Variants in GAREM1 observed in about 807,000 individuals in gnomAD.
GAREM1 encodes GRB2-associated and regulator of MAPK protein 1.
Under a neutral mutation model 71.3 loss-of-function variants are expected in GAREM1, and 26 were observed. That is an observed-to-expected ratio of 0.36 (90% CI 0.27 to 0.51). The LOEUF is 0.51. GAREM1 is among the 20% of genes least tolerant of loss of function. The pLI, the probability that GAREM1 is intolerant of heterozygous loss-of-function variation, is 0.95. For missense variants in GAREM1, 1,026 were observed against 1,103.1 expected (o/e 0.93, Z 0.99); for synonymous variants, 440 against 433.2 (o/e 1.02, Z -0.20).
Position 32,312,117 on chromosome 18 carries a change from C to T in GAREM1, c.263-1794G>A, listed in dbSNP as rs1360482199. ...GTAAGTCTGAGATGTCTATTGGACA[C>T]GCAAACAGAGATGTTCAAAAAGTTC... On this transcript the variant is annotated intron_variant, in intron 2 of 5. Transcript: ENST00000269209. Among the ~76,000 whole-genome samples, 5 of 152,272 alleles carry T rather than the reference C, an allele frequency of 3.3e-5. No homozygotes were observed. The South Asian group carries it at 6.2e-4, about 19-fold the overall frequency.
intron 1 of GAREM1, among the ~76,000 whole-genome samples, chr18:32,442,128 C>A (rs2048744320): frequency 2.0e-5 from 3 of 152,028 alleles, no homozygotes. Context: ...TATTGAAAAT[C>A]CGTTGTTCTA....
chr18:32,341,851 A>G (rs2047650847), intron 2 of GAREM1, among the ~76,000 whole-genome samples: 1 of 152,082 alleles, frequency 6.6e-6, no homozygotes, highest in Admixed American at 6.5e-5. Flanking sequence ...AATGGATTCC[A>G]GATTTACATA....
chr18:32,452,056 T>C (rs575232487), intron 1 of GAREM1, among the ~76,000 whole-genome samples: 4 of 152,114 alleles, frequency 2.6e-5, no homozygotes, highest in Non-Finnish European at 5.9e-5. Flanking sequence ...TATTCTGACA[T>C]GCTTTCTTGA....
chr18:32,288,071 T>C lies in GAREM1; in HGVS notation c.526A>G (p.Thr176Ala), dbSNP rs2047045609. Residue 176 changes from threonine (T) to alanine (A), a missense_variant, in exon 4 of 6, where the codon ACA becomes GCA. Physicochemically the swap from Thr to Ala is moderately conservative, Grantham distance 58 (BLOSUM62 0). Transcript: ENST00000269209. ...AGCTTCCCAATCTTTTTGAAGATTGTGTTGAGTCGTGACTTTTCCTTGAAT... is the reference window on the plus strand; with the variant it reads ...AGCTTCCCAATCTTTTTGAAGATTGCGTTGAGTCGTGACTTTTCCTTGAAT... Reference protein sequence around the residue: ...KTFKEKSRLNTIFKKIGKLNS... With the variant: ...KTFKEKSRLNAIFKKIGKLNS... 2.5e-6 allele frequency: 4 copies of C among 1,614,074 alleles called. No homozygotes were observed. In the Admixed American group the frequency reaches 5.0e-5, roughly 20 times the overall value.
chr18:32,395,827 G>C (rs1470326888), intron 1 of GAREM1, among the ~76,000 whole-genome samples: 1 of 152,176 alleles, frequency 6.6e-6, no homozygotes, highest in Non-Finnish European at 1.5e-5. Context: ...GGTTCTCCCA[G>C]CACGGAGTCT....
At chr18:32,387,370 A>G (rs16963287) in intron 2 of GAREM1, among the ~76,000 whole-genome samples, 36,837 of 152,068 alleles carry the variant, frequency 0.24, 5,593 homozygotes, top group African/African-American at 0.43. Flanking sequence ...GCAGTTTGGA[A>G]TTAATGTTCT....
chr18:32,303,978 A>AAGAG (rs2047223919), intron 3 of GAREM1, among the ~76,000 whole-genome samples: 1 of 143,478 alleles, frequency 7.0e-6, no homozygotes, highest in Non-Finnish European at 1.5e-5. Flanking sequence ...GAAACAGAGA[A>AAGAG]AGAGGGAGGG....
intron 2 of GAREM1, among the ~76,000 whole-genome samples, chr18:32,391,408 A>G (rs915654576): frequency 2.6e-5 from 4 of 152,314 alleles, no homozygotes; most frequent in Non-Finnish European, 1.5e-5. Flanking sequence ...AAGTGATAAA[A>G]TGAGGGCACT....
chr18:32,442,209 C>T (rs1599050897), intron 1 of GAREM1, among the ~76,000 whole-genome samples: 1 of 152,254 alleles, frequency 6.6e-6, no homozygotes. Context: ...TCAACTACAG[C>T]AGTATTTATC....
intron 2 of GAREM1, among the ~76,000 whole-genome samples, chr18:32,316,630 G>C (rs983815672): frequency 1.3e-5 from 2 of 151,954 alleles, no homozygotes; most frequent in Non-Finnish European, 2.9e-5. Context: ...TTTTTTTGTA[G>C]AGATGAGGTT....
intron 5 of GAREM1, among the ~76,000 whole-genome samples, chr18:32,269,588 C>T (rs1156613781): frequency 1.3e-5 from 2 of 152,090 alleles, no homozygotes; most frequent in Non-Finnish European, 2.9e-5. Flanking sequence ...TGGGATGGAC[C>T]TATTTTTGTT....
intron 2 of GAREM1, among the ~76,000 whole-genome samples, chr18:32,317,270 T>A (rs899620275): frequency 6.6e-6 from 1 of 151,794 alleles, no homozygotes; most frequent in African/African-American, 2.4e-5. Context: ...CCTAGAGTGG[T>A]GGCACATGCT....
chr18:32,269,340 ACCT>A (rs1447590304), intron 5 of GAREM1, among the ~76,000 whole-genome samples: 1 of 152,224 alleles, frequency 6.6e-6, no homozygotes, highest in African/African-American at 2.4e-5. Context: ...AACAAAAAGT[ACCT>A]GCAAAGAGAG....
intron 2 of GAREM1, among the ~76,000 whole-genome samples, chr18:32,386,662 G>C (rs780033438): frequency 6.6e-6 from 1 of 152,160 alleles, no homozygotes; most frequent in Non-Finnish European, 1.5e-5. Flanking sequence ...GCTTGCCACG[G>C]AATGCTATAA....
chr18:32,380,446 A>T (rs901892884), intron 2 of GAREM1, among the ~76,000 whole-genome samples: 3 of 146,572 alleles, frequency 2.0e-5, no homozygotes, highest in Non-Finnish European at 4.5e-5. Flanking sequence ...ACTGCACTCC[A>T]GCCTGGGCGA....
intron 2 of GAREM1, among the ~76,000 whole-genome samples, chr18:32,388,521 A>T (rs1263474985): frequency 1.3e-5 from 2 of 152,168 alleles, no homozygotes; most frequent in African/African-American, 4.8e-5. Context: ...TATACAGCAG[A>T]GAAACTGGAC....
At chr18:32,447,428 A>G (rs899554768) in intron 1 of GAREM1, among the ~76,000 whole-genome samples, 5 of 152,196 alleles carry the variant, frequency 3.3e-5, no homozygotes, top group Non-Finnish European at 7.3e-5. Flanking sequence ...TCTGAGTCAC[A>G]GTCCTATGGG....
chr18:32,446,604 C>T (rs766496142), intron 1 of GAREM1, among the ~76,000 whole-genome samples: 1 of 152,118 alleles, frequency 6.6e-6, no homozygotes, highest in South Asian at 2.1e-4. Context: ...AAATGAAATC[C>T]GTATCTGACT....
At position 32,460,917 on chromosome 18, in the gene GAREM1, T is replaced by C. The variant is rs556057397; in HGVS notation, c.121+9391A>G. On this transcript the variant is annotated intron_variant, in intron 1 of 5. Transcript: ENST00000269209. ...TAAAGGAGACATCTTAACTTCAGAA[T>C]GAAAAGAACTAGCAAAAAGGTGAAA... 2.6e-5 allele frequency among the ~76,000 whole-genome samples: 4 copies of C among 152,272 alleles called. No individual in the cohort carries two copies. In the East Asian group the frequency reaches 7.7e-4, roughly 29 times the overall value.
Sources: allele counts gnomAD v4.1 joint callset (sites outside exome capture counted in the v4.1 genomes callset), GRCh38; gene constraint gnomAD v4.1.1; transcripts MANE v1.5; gene names NCBI Gene and HGNC (gene_info 2026-07-23, HGNC 2026-07-21).